Variants in MITF observed in about 807,000 individuals in gnomAD.
MITF encodes melanocyte inducing transcription factor, also known as microphthalmia-associated transcription factor.
In MITF, 17 loss-of-function variants were observed where a neutral mutation model predicts 60.5. The observed-to-expected ratio is 0.28, with a 90% confidence interval of 0.19 to 0.42. The LOEUF is 0.42. Ranked by LOEUF, MITF falls within the 10% of genes least tolerant of loss-of-function variation. The probability of loss-of-function intolerance (pLI) is 1.00; values close to 1 mark genes in which losing one functional copy is unlikely to be tolerated. For synonymous variants in MITF, 260 were observed against 248.5 expected, an observed-to-expected ratio of 1.05 and a Z score of -0.43; for missense variants, 622 against 683.5, an observed-to-expected ratio of 0.91 and a Z score of 1.00.
intron 2 of MITF, among the ~76,000 whole-genome samples, chr3:69,887,208 C>G (rs2064640152): frequency 1.3e-5 from 2 of 152,004 alleles, no homozygotes; most frequent in South Asian, 2.1e-4. Context: ...ACAAATATTA[C>G]CTATTTAATC....
At chr3:69,810,412 G>A (rs867685788) in intron 1 of MITF, among the ~76,000 whole-genome samples, 2 of 152,188 alleles carry the variant, frequency 1.3e-5, no homozygotes, top group Admixed American at 6.5e-5. Context: ...TGTAAGCTGG[G>A]TTCTTGGATT....
intron 1 of MITF, among the ~76,000 whole-genome samples, chr3:69,761,074 C>T (rs72950035): frequency 0.018 from 2,702 of 152,010 alleles, 81 homozygotes; most frequent in African/African-American, 0.062. Context: ...TTTTTAAAGC[C>T]CTCTTTACAG....
At chr3:69,809,123 A>G (rs191504288) in intron 1 of MITF, among the ~76,000 whole-genome samples, 1 of 152,254 alleles carries the variant, frequency 6.6e-6, no homozygotes, top group East Asian at 1.9e-4. Context: ...AAGGAAGGGT[A>G]TTTAAAATTA....
intron 1 of MITF, among the ~76,000 whole-genome samples, chr3:69,844,927 T>C (rs921875128): frequency 9.8e-5 from 15 of 152,312 alleles, no homozygotes; most frequent in Admixed American, 7.8e-4. Context: ...CAATAAAGTA[T>C]TGCCATTTTC....
At chr3:69,814,683 T>C (rs2063153784) in intron 1 of MITF, among the ~76,000 whole-genome samples, 2 of 152,060 alleles carry the variant, frequency 1.3e-5, no homozygotes, top group South Asian at 2.1e-4. Flanking sequence ...TCTGTGTGTG[T>C]AGTCTGAAAT....
chr3:69,808,343 C>A (rs556611547), intron 1 of MITF, among the ~76,000 whole-genome samples: 101 of 152,054 alleles, frequency 6.6e-4, no homozygotes, highest in African/African-American at 2.4e-3. Flanking sequence ...TCTAGGGCAG[C>A]AGGTATAAAC....
chr3:69,851,684 CAA>C (rs1037309345), intron 1 of MITF, among the ~76,000 whole-genome samples: 2 of 152,072 alleles, frequency 1.3e-5, no homozygotes, highest in African/African-American at 4.8e-5. Context: ...AGGAGTAGCA[CAA>C]GAGAGTATTT....
At chr3:69,915,257 T>C (rs1223015141) in intron 2 of MITF, among the ~76,000 whole-genome samples, 1 of 152,212 alleles carries the variant, frequency 6.6e-6, no homozygotes, top group Non-Finnish European at 1.5e-5. Flanking sequence ...TAGAATCTCA[T>C]TGCAGTGATT....
intron 1 of MITF, chr3:69,758,814 C>G (rs546084669): frequency 4.8e-6 from 1 of 210,090 alleles, no homozygotes; most frequent in Admixed American, 5.9e-5. Flanking sequence ...AAGAAATTAT[C>G]TTACCTTTTC....
At chr3:69,775,853 T>C (rs1005383469) in intron 1 of MITF, among the ~76,000 whole-genome samples, 1 of 152,228 alleles carries the variant, frequency 6.6e-6, no homozygotes, top group Non-Finnish European at 1.5e-5. Flanking sequence ...CAGTGGACTT[T>C]CTTTATTTCT....
At chr3:69,836,044 G>A (rs957654461) in intron 1 of MITF, among the ~76,000 whole-genome samples, 1 of 151,980 alleles carries the variant, frequency 6.6e-6, no homozygotes, top group African/African-American at 2.4e-5. Context: ...TTATAATAAA[G>A]CTATAGATTG....
rs770111928 is a variant in MITF, at chr3:69,897,302, G to A, written c.354+17919G>A. ...GATTTGGGGAATGAGTGATGAAAGT[G>A]TTGGCTCCAGAAGACGTAAGAAGAA... is the stretch of plus-strand genomic sequence containing the variant. On this transcript the variant is annotated intron_variant, in intron 2 of 9. Transcript: ENST00000352241. Among the ~76,000 whole-genome samples, 56 of 152,164 alleles carry A rather than the reference G, an allele frequency of 3.7e-4. 1 individual carries two copies. The highest frequency in any genetic ancestry group is 2.6e-4 in the Admixed American group (4 of 15,256).
At chr3:69,851,826 A>G (rs1032310335) in intron 1 of MITF, among the ~76,000 whole-genome samples, 2 of 152,212 alleles carry the variant, frequency 1.3e-5, no homozygotes, top group African/African-American at 4.8e-5. Flanking sequence ...AGGAGATGAA[A>G]ACATTTACCC....
intron 2 of MITF, among the ~76,000 whole-genome samples, chr3:69,884,752 G>A (rs2064571432): frequency 6.6e-6 from 1 of 152,188 alleles, no homozygotes. Context: ...TTGGATTCAT[G>A]TTGGACTTGG....
intron 2 of MITF, among the ~76,000 whole-genome samples, chr3:69,917,220 A>G (rs1219753251): frequency 6.6e-6 from 1 of 152,260 alleles, no homozygotes; most frequent in African/African-American, 2.4e-5. Context: ...GGGAATAATG[A>G]CCGAAAAGTC....
intron 1 of MITF, among the ~76,000 whole-genome samples, chr3:69,778,304 G>T (rs904397098): frequency 6.6e-6 from 1 of 152,122 alleles, no homozygotes; most frequent in Non-Finnish European, 1.5e-5. Context: ...TGTTTATGGG[G>T]TATAATAGAT....
At chr3:69,753,225 C>A (rs1193755119) in intron 1 of MITF, among the ~76,000 whole-genome samples, 5 of 152,216 alleles carry the variant, frequency 3.3e-5, no homozygotes, top group Admixed American at 2.0e-4. Flanking sequence ...TCAGAGGGTG[C>A]AAGCTGTAAG....
At chr3:69,945,825 T>G (rs73117331) in intron 5 of MITF, among the ~76,000 whole-genome samples, 1,868 of 152,252 alleles carry the variant, frequency 0.012, 15 homozygotes, top group Middle Eastern at 0.031. Flanking sequence ...CCTCCAGATA[T>G]TGATCCGGGG....
rs2066680609 is a variant in MITF, at chr3:69,965,939, C to T, written c.*691C>T. On this transcript the variant is annotated 3_prime_UTR_variant, in exon 10 of 10. Transcript: ENST00000352241. ...AAGTCTAATCTTGCTCTCTTTTATT[C>T]TGTGCTGTTACAGTTTTCTTCATCA... 1 of 231,662 alleles carries T rather than the reference C, an allele frequency of 4.3e-6. No individual in the cohort carries two copies. Among genetic ancestry groups the T allele is most frequent in the Non-Finnish European group, 8.5e-6 (1 of 117,284 alleles). 14.4% of individuals were successfully genotyped at this position (231,662 alleles called of 1,614,324 possible).
Sources: allele counts gnomAD v4.1 joint callset (sites outside exome capture counted in the v4.1 genomes callset), GRCh38; gene constraint gnomAD v4.1.1; transcripts MANE v1.5; gene names NCBI Gene and HGNC (gene_info 2026-07-23, HGNC 2026-07-21).